Variants in TOGARAM2 observed in about 807,000 individuals in gnomAD.
The protein encoded by TOGARAM2 is TOG array regulator of axonemal microtubules protein 2.
A neutral mutation model predicts 93.3 loss-of-function variants in TOGARAM2; 85 were observed. That is an observed-to-expected ratio of 0.91 (90% CI 0.76 to 1.09). The LOEUF (loss-of-function observed/expected upper bound fraction) is 1.09, where lower values mean the gene tolerates loss of function less well. Among genes scored for constraint, TOGARAM2 ranks in the 50% least tolerant of loss-of-function variants. The pLI is 0.00. For synonymous variants in TOGARAM2, 593 were observed against 552.8 expected (o/e 1.07, Z -1.02); for missense variants, 1,277 against 1,334.5 (o/e 0.96, Z 0.67).
chr2:28,977,016 T>TG (rs901825869), upstream of TOGARAM2, among the ~76,000 whole-genome samples: 6 of 151,156 alleles, frequency 4.0e-5, no homozygotes, highest in Non-Finnish European at 7.4e-5. Context: ...CTTTTCTACC[T>TG]GGGGGGGCGT....
rs1289052176 is a variant in TOGARAM2, at chr2:29,005,306, GT to G, written c.830+1625del. On this transcript the variant is annotated intron_variant, in intron 6 of 19. Transcript: ENST00000379558. ...TATGTGTGTGTGTGCATGTGTGTGTGTGGGGTATGTGTGCATGTGTGTGTGA... is the reference window on the plus strand; with the variant it reads ...TATGTGTGTGTGTGCATGTGTGTGTGGGGGTATGTGTGCATGTGTGTGTGA... Among the ~76,000 whole-genome samples, 303 of 78,984 alleles carry G rather than the reference GT, an allele frequency of 3.8e-3. 1 individual carries two copies. Among genetic ancestry groups the G allele is most frequent in the Non-Finnish European group, 7.0e-3 (199 of 28,510 alleles). The allele number at this position is 78,984 out of a possible 152,430, so 51.8% of individuals were successfully genotyped here.
chr2:29,039,001 G>A (rs934096970), intron 18 of TOGARAM2, among the ~76,000 whole-genome samples: 2 of 152,212 alleles, frequency 1.3e-5, no homozygotes, highest in Non-Finnish European at 2.9e-5. Flanking sequence ...GTTCTTATCT[G>A]CCTGTCATGG....
upstream of TOGARAM2, among the ~76,000 whole-genome samples, chr2:28,979,592 G>A (rs1234048995): frequency 1.3e-5 from 2 of 152,182 alleles, no homozygotes; most frequent in African/African-American, 4.8e-5. Context: ...AGCTCCTGAG[G>A]GCAGGCTGTG....
chr2:28,977,482 C>A (rs1672055159), upstream of TOGARAM2, among the ~76,000 whole-genome samples: 1 of 152,184 alleles, frequency 6.6e-6, no homozygotes, highest in South Asian at 2.1e-4. Context: ...CTGTTCCCTG[C>A]CATACAATGT....
intron 3 of TOGARAM2, 80 bp downstream of exon 3, chr2:28,998,333 T>A: frequency 1.1e-6 from 1 of 934,696 alleles, no homozygotes. Context: ...ATGCCGGCTG[T>A]GTTCTCGAGC....
At chr2:29,014,610 G>T in intron 8 of TOGARAM2, 49 bp downstream of exon 8, 2 of 1,541,698 alleles carry the variant, frequency 1.3e-6, no homozygotes, top group Non-Finnish European at 1.8e-6. Flanking sequence ...GTGGACCGCA[G>T]GCTGCAGGAA....
At chr2:29,006,191 A>ACG (rs1558424671) in intron 6 of TOGARAM2, among the ~76,000 whole-genome samples, 1 of 142,692 alleles carries the variant, frequency 7.0e-6, no homozygotes. Flanking sequence ...ATGTGTGTGC[A>ACG]TGTGTGTGAG....
In TOGARAM2 at chr2:29,018,148, G is replaced by T. The variant is rs1228082555; in HGVS notation, c.1360+192G>T. ...GTCAGGGACTCATCATTGTCTACAG[G>T]CTGGGCTTGGGACCCAGGATGTCAC... On this transcript the variant is annotated intron_variant, in intron 10 of 19. Transcript: ENST00000379558. 5 of 632,342 alleles carry T rather than the reference G, an allele frequency of 7.9e-6. No homozygotes were observed. In the African/African-American group the frequency reaches 9.3e-5, roughly 12 times the overall value. The allele number at this position is 632,342 out of a possible 1,614,324, so 39.2% of individuals were successfully genotyped here. A position where few individuals can be genotyped will look rare whatever the true frequency, so the allele number is the denominator to read the frequency against.
intron 5 of TOGARAM2, 64 bp from the exon 6 acceptor site, chr2:29,003,427 TG>T: frequency 7.5e-7 from 1 of 1,332,326 alleles, no homozygotes; most frequent in Non-Finnish European, 9.9e-7. Context: ...GTGAGGTGCC[TG>T]GAGGTGAGCA....
intron 1 of TOGARAM2, among the ~76,000 whole-genome samples, chr2:28,976,262 T>C (rs1359961679): frequency 1.3e-5 from 2 of 152,064 alleles, no homozygotes; most frequent in Non-Finnish European, 2.9e-5. Flanking sequence ...TCCCAGCTAC[T>C]CAGGAGGCTG....
intron 14 of TOGARAM2, among the ~76,000 whole-genome samples, chr2:29,027,616 AG>A (rs202204613): frequency 0.04 from 5,973 of 149,056 alleles, 170 homozygotes; most frequent in East Asian, 0.11. Context: ...AAAAAATGCT[AG>A]GGGTGGTGTT....
chr2:28,992,419 C>T (rs1309684155), intron 1 of TOGARAM2, among the ~76,000 whole-genome samples: 1 of 152,072 alleles, frequency 6.6e-6, no homozygotes, highest in Admixed American at 6.5e-5. Context: ...CTTTGGCGAG[C>T]CATGGAATGG....
At chr2:29,035,032 A>C (rs62130302) in intron 16 of TOGARAM2, among the ~76,000 whole-genome samples, 47,547 of 151,654 alleles carry the variant, frequency 0.31, 7,892 homozygotes, top group East Asian at 0.52. Flanking sequence ...TGCCTGTAAT[A>C]CAAGCTACTT....
intron 6 of TOGARAM2, among the ~76,000 whole-genome samples, chr2:29,009,217 G>A (rs553209048): frequency 5.4e-4 from 82 of 152,354 alleles, no homozygotes; most frequent in African/African-American, 1.9e-3. Context: ...GCGAGATGGA[G>A]ATGGAGGTGG....
chr2:28,996,799 C>CAAAAA (rs1170607481), intron 2 of TOGARAM2, among the ~76,000 whole-genome samples: 12 of 40,702 alleles, frequency 2.9e-4, no homozygotes, highest in East Asian at 1.9e-3. Context: ...GACTCCATCT[C>CAAAAA]AAAAAAAAAA....
rs767012573 is a variant in TOGARAM2, at chr2:29,026,922, T to C, written c.1923T>C (p.Ala641=). ...CAGCTGTGCTGGAGCAGATCGGCGCTGAGAAGCTTCTCTCGGGCACCAGAG... is the reference window on the plus strand; with the variant it reads ...CAGCTGTGCTGGAGCAGATCGGCGCCGAGAAGCTTCTCTCGGGCACCAGAG... The part of the protein sequence containing the change: ...HLSAVLEQIG[A]EKLLSGTRDS... The change falls in exon 14 of 20, where the codon GCT becomes GCC. Residue 641 remains alanine (A), a synonymous_variant. Transcript: ENST00000379558. 3.8e-6 allele frequency: 6 copies of C among 1,585,336 alleles called. No individual in the cohort carries two copies. The East Asian group carries it at 1.4e-4, about 37-fold the overall frequency.
chr2:29,002,539 C>T lies in TOGARAM2; in HGVS notation c.431C>T (p.Ser144Phe). ...TCCCATCCCCATCCCTGTACAGCCT[C>T]TCTGGATCCAGGGGGAGGCCCCCAA... Reference protein sequence around the residue: ...SEGLAASSRASLDPGGGPQGV... With the variant: ...SEGLAASSRAFLDPGGGPQGV... The change falls in exon 5 of 20, where the codon TCT becomes TTT. Residue 144 changes from serine (S) to phenylalanine (F), a missense_variant. Ser to Phe is a radical substitution (Grantham distance 155). Coordinates refer to ENST00000379558, the MANE Select transcript of TOGARAM2 (RefSeq NM_199280.4). 6.2e-7 allele frequency: 1 copy of T among 1,613,098 alleles called. No individual in the cohort carries two copies. The highest frequency in any genetic ancestry group is 8.5e-7 in the Non-Finnish European group (1 of 1,179,638).
At chr2:29,006,127 A>ATG (rs60300825) in intron 6 of TOGARAM2, among the ~76,000 whole-genome samples, 113,827 of 144,180 alleles carry the variant, frequency 0.79, 44,899 homozygotes, top group Middle Eastern at 0.85. Flanking sequence ...ATGTGTGTGC[A>ATG]TGTGTGTGAG....
chr2:29,027,707 G>A (rs1033143026), intron 14 of TOGARAM2, among the ~76,000 whole-genome samples: 5 of 152,316 alleles, frequency 3.3e-5, no homozygotes, highest in African/African-American at 1.2e-4. Flanking sequence ...GCAATGCAAT[G>A]GAGTTGGTGG....
Sources: allele counts gnomAD v4.1 joint callset (sites outside exome capture counted in the v4.1 genomes callset), GRCh38; gene constraint gnomAD v4.1.1; transcripts MANE v1.5; gene names NCBI Gene and HGNC (gene_info 2026-07-23, HGNC 2026-07-21).